The following PLCB4 variants were observed in gnomAD, a reference collection of about 807,000 sequenced individuals.
PLCB4 encodes phospholipase C beta 4.
Under a neutral mutation model 178.8 loss-of-function variants are expected in PLCB4, and 77 were observed. That is an observed-to-expected ratio of 0.43 (90% CI 0.36 to 0.52). The LOEUF is 0.52. PLCB4 is among the 20% of genes least tolerant of loss of function. The pLI, the probability that PLCB4 is intolerant of heterozygous loss-of-function variation, is 0.00. For synonymous variants in PLCB4, 496 were observed against 490.8 expected, an observed-to-expected ratio of 1.01 and a Z score of -0.14; for missense variants, 1,024 against 1,453.4, an observed-to-expected ratio of 0.70 and a Z score of 4.80.
chr20:9,176,833 A>C (rs2093163285), intron 2 of PLCB4, among the ~76,000 whole-genome samples: 2 of 152,212 alleles, frequency 1.3e-5, no homozygotes, highest in South Asian at 4.1e-4. Context: ...AAACTCTAAC[A>C]TGAGGAAACT....
At chr20:9,412,860 A>G (rs2039953884) in intron 25 of PLCB4, among the ~76,000 whole-genome samples, 1 of 152,158 alleles carries the variant, frequency 6.6e-6, no homozygotes, top group Non-Finnish European at 1.5e-5. Context: ...CCTTATACCT[A>G]TCACCATGGC....
intron 4 of PLCB4, among the ~76,000 whole-genome samples, chr20:9,321,755 T>G (rs1256728975): frequency 6.6e-6 from 1 of 152,074 alleles, no homozygotes; most frequent in Non-Finnish European, 1.5e-5. Context: ...TGCCTCAGCC[T>G]CCCAAGTACC....
chr20:9,244,472 T>C (rs1190014082), intron 3 of PLCB4, among the ~76,000 whole-genome samples: 1 of 152,206 alleles, frequency 6.6e-6, no homozygotes, highest in East Asian at 1.9e-4. Context: ...AACTTAGTTT[T>C]GGAGATGAAA....
chr20:9,130,226 A>G (rs897520311), intron 2 of PLCB4, among the ~76,000 whole-genome samples: 1 of 152,134 alleles, frequency 6.6e-6, no homozygotes, highest in African/African-American at 2.4e-5. Context: ...GTAGGAGATT[A>G]GTTTAAGTAT....
intron 3 of PLCB4, among the ~76,000 whole-genome samples, chr20:9,271,067 A>G (rs1277532983): frequency 6.6e-6 from 1 of 152,150 alleles, no homozygotes; most frequent in African/African-American, 2.4e-5. Flanking sequence ...AAAGGTTACA[A>G]CATTCTGTTT....
At chr20:9,223,586 A>G (rs1027099747) in intron 3 of PLCB4, among the ~76,000 whole-genome samples, 1 of 152,086 alleles carries the variant, frequency 6.6e-6, no homozygotes, top group Non-Finnish European at 1.5e-5. Context: ...GGTCTTTTCT[A>G]TGTGGTCTCT....
At chr20:9,314,719 A>G (rs1197029786) in intron 4 of PLCB4, among the ~76,000 whole-genome samples, 2 of 152,256 alleles carry the variant, frequency 1.3e-5, no homozygotes, top group South Asian at 2.1e-4. Flanking sequence ...GGATGAACAC[A>G]TGGGCGCATC....
chr20:9,284,979 A>C (rs1427918001), intron 3 of PLCB4, among the ~76,000 whole-genome samples: 13 of 152,022 alleles, frequency 8.6e-5, no homozygotes, highest in Non-Finnish European at 1.6e-4. Flanking sequence ...CAGGACTATA[A>C]ATGAGAGGAT....
At chr20:9,264,781 C>T (rs927315312) in intron 3 of PLCB4, among the ~76,000 whole-genome samples, 1 of 152,146 alleles carries the variant, frequency 6.6e-6, no homozygotes, top group Non-Finnish European at 1.5e-5. Flanking sequence ...ATTCCTAGGA[C>T]CCATCTCCAG....
At chr20:9,254,370 G>C (rs1296472598) in intron 3 of PLCB4, among the ~76,000 whole-genome samples, 1 of 152,102 alleles carries the variant, frequency 6.6e-6, no homozygotes, top group East Asian at 1.9e-4. Context: ...TGCAATTTTT[G>C]AAATGTAAAG....
At position 9,479,320 on chromosome 20, in the gene PLCB4, C is replaced by T. The variant is rs2044755189; in HGVS notation, c.*311C>T. On this transcript the variant is annotated 3_prime_UTR_variant, in exon 40 of 40. Transcript: ENST00000378473. The stretch of plus-strand genomic sequence containing the variant: ...GTAAATGAGCTTGGTGTGAACAACT[C>T]TCCTTTGTGATGCCTTAGGACATGT... 2 of 326,116 alleles carry T rather than the reference C, an allele frequency of 6.1e-6. No homozygotes were observed. Among genetic ancestry groups the T allele is most frequent in the Admixed American group, 4.6e-5 (1 of 21,926 alleles). The allele number at this position is 326,116 out of a possible 1,614,324, so 20.2% of individuals were successfully genotyped here. A position where few individuals can be genotyped will look rare whatever the true frequency, so the allele number is the denominator to read the frequency against.
At chr20:9,459,567 G>A (rs1473736026) in intron 34 of PLCB4, 68 bp from the exon 35 acceptor site, 7 of 1,164,198 alleles carry the variant, frequency 6.0e-6, no homozygotes, top group African/African-American at 3.0e-5. Context: ...CCTGAATAAT[G>A]TTGTGCTTTT....
chr20:9,143,882 T>C (rs1390515507), intron 2 of PLCB4, among the ~76,000 whole-genome samples: 1 of 152,126 alleles, frequency 6.6e-6, no homozygotes, highest in Non-Finnish European at 1.5e-5. Flanking sequence ...TTGCTGGGCT[T>C]CCTTCTGCAA....
chr20:9,129,924 T>C (rs2092229961), intron 2 of PLCB4, among the ~76,000 whole-genome samples: 1 of 152,130 alleles, frequency 6.6e-6, no homozygotes, highest in African/African-American at 2.4e-5. Flanking sequence ...TATATATAGA[T>C]TCTTGTTTCT....
intron 2 of PLCB4, among the ~76,000 whole-genome samples, chr20:9,126,304 C>T (rs535070010): frequency 2.0e-5 from 3 of 152,224 alleles, no homozygotes; most frequent in East Asian, 1.9e-4. Context: ...TTTTACACAT[C>T]CCTAGAATAA....
intron 2 of PLCB4, among the ~76,000 whole-genome samples, chr20:9,176,615 A>G (rs1346326814): frequency 1.3e-5 from 2 of 152,194 alleles, no homozygotes; most frequent in African/African-American, 2.4e-5. Flanking sequence ...ATGTATACAT[A>G]TTTTATTATA....
At chr20:9,365,423 A>G in intron 8 of PLCB4, 38 bp from the exon 9 acceptor site, 1 of 1,395,298 alleles carries the variant, frequency 7.2e-7, no homozygotes, top group Non-Finnish European at 1.0e-6. Context: ...GCTCCCTCTA[A>G]GAAACATTAA....
At chr20:9,313,548 TAAGTG>T (rs1050524242) in intron 4 of PLCB4, among the ~76,000 whole-genome samples, 11 of 152,210 alleles carry the variant, frequency 7.2e-5, no homozygotes, top group Non-Finnish European at 5.9e-5. Context: ...GAAAATGCGT[TAAGTG>T]GAGTTAAATT....
chr20:9,152,768 A>G (rs1181769204), intron 2 of PLCB4, among the ~76,000 whole-genome samples: 1 of 152,168 alleles, frequency 6.6e-6, no homozygotes, highest in African/African-American at 2.4e-5. Context: ...CCAGACCCCA[A>G]AATGGTAGAC....
Sources: allele counts gnomAD v4.1 joint callset (sites outside exome capture counted in the v4.1 genomes callset), GRCh38; gene constraint gnomAD v4.1.1; transcripts MANE v1.5; gene names NCBI Gene and HGNC (gene_info 2026-07-23, HGNC 2026-07-21).